Variants in SULF1 observed in about 807,000 individuals in gnomAD.
SULF1 encodes sulfatase 1.
In SULF1, 46 loss-of-function variants were observed where a neutral mutation model predicts 110.5. The ratio of observed to expected loss-of-function variants is 0.42; its 90% CI spans 0.33 to 0.53. SULF1 has a LOEUF of 0.53. Ranked by LOEUF, SULF1 falls within the 20% of genes least tolerant of loss-of-function variation. SULF1 has a pLI of 0.12. For synonymous variants in SULF1, 371 were observed against 387.1 expected, an observed-to-expected ratio of 0.96 and a Z score of 0.49; for missense variants, 941 against 1,094.2, an observed-to-expected ratio of 0.86 and a Z score of 1.98.
At chr8:69,510,370 A>G (rs1306068986) in intron 3 of SULF1, among the ~76,000 whole-genome samples, 2 of 152,328 alleles carry the variant, frequency 1.3e-5, no homozygotes, top group East Asian at 1.9e-4. Flanking sequence ...CCATTTGCTA[A>G]CTGTGACTTA....
chr8:69,498,590 T>G (rs1406915714), intron 2 of SULF1, among the ~76,000 whole-genome samples: 1 of 152,138 alleles, frequency 6.6e-6, no homozygotes, highest in Non-Finnish European at 1.5e-5. Flanking sequence ...GTAAACTAAG[T>G]ACCACACTAT....
chr8:69,620,007 G>A (rs1259777990), intron 13 of SULF1, among the ~76,000 whole-genome samples: 1 of 152,156 alleles, frequency 6.6e-6, no homozygotes, highest in Non-Finnish European at 1.5e-5. Flanking sequence ...CTAGCTCTTG[G>A]AAGAATCAGG....
At chr8:69,639,364 T>C (rs78381565) in intron 21 of SULF1, among the ~76,000 whole-genome samples, 1,615 of 152,302 alleles carry the variant, frequency 0.011, 26 homozygotes, top group African/African-American at 0.037. Context: ...ACTAGAGATA[T>C]TGGAGCAGTT....
At chr8:69,500,946 A>G (rs1386638271) in intron 2 of SULF1, among the ~76,000 whole-genome samples, 1 of 152,136 alleles carries the variant, frequency 6.6e-6, no homozygotes, top group African/African-American at 2.4e-5. Context: ...GAGCAAAGCA[A>G]AGGACCTGGG....
rs1053380075 is a variant in SULF1, at chr8:69,659,139, A to G, written c.*604A>G. 30 of 456,682 alleles carry G rather than the reference A, an allele frequency of 6.6e-5. No individual in the cohort carries two copies. The highest frequency in any genetic ancestry group is 3.4e-4 in the South Asian group (22 of 64,554). 28.3% of individuals were successfully genotyped at this position (456,682 alleles called of 1,614,324 possible). A position where few individuals can be genotyped will look rare whatever the true frequency, so the allele number is the denominator to read the frequency against. ...CTGGAAAGGACATTTTTGAAGATCA[A>G]CTATATCTTCCTGTGCATTCCGATG... is the stretch of plus-strand genomic sequence containing the variant. On this transcript the variant is annotated 3_prime_UTR_variant, in exon 23 of 23. Coordinates refer to ENST00000402687, the MANE Select transcript of SULF1 (RefSeq NM_001128205.2).
At chr8:69,585,080 T>C (rs1341618440) in intron 6 of SULF1, among the ~76,000 whole-genome samples, 1 of 152,168 alleles carries the variant, frequency 6.6e-6, no homozygotes, top group African/African-American at 2.4e-5. Flanking sequence ...ATGGAAGGCG[T>C]CTGGCAACAG....
intron 8 of SULF1, among the ~76,000 whole-genome samples, chr8:69,598,537 G>A (rs1174061110): frequency 1.3e-5 from 2 of 151,996 alleles, no homozygotes; most frequent in African/African-American, 2.4e-5. Flanking sequence ...GATTACAGGC[G>A]CCCGCCACCA....
intron 6 of SULF1, among the ~76,000 whole-genome samples, chr8:69,581,372 G>T (rs762949740): frequency 6.6e-6 from 1 of 152,176 alleles, no homozygotes; most frequent in East Asian, 1.9e-4. Flanking sequence ...GCTTCAGGTA[G>T]TTCCTGGAAA....
At chr8:69,504,689 T>A (rs1811060934) in intron 3 of SULF1, among the ~76,000 whole-genome samples, 1 of 152,344 alleles carries the variant, frequency 6.6e-6, no homozygotes, top group African/African-American at 2.4e-5. Flanking sequence ...TACTTTTTTT[T>A]AATCTTGGGG....
intron 5 of SULF1, among the ~76,000 whole-genome samples, chr8:69,568,574 G>A (rs1036829754): frequency 2.0e-5 from 3 of 152,180 alleles, no homozygotes; most frequent in Non-Finnish European, 4.4e-5. Flanking sequence ...GGGTGGGTAG[G>A]ACAAAGATCA....
At chr8:69,656,602 T>G (rs1812754666) in intron 22 of SULF1, among the ~76,000 whole-genome samples, 1 of 152,246 alleles carries the variant, frequency 6.6e-6, no homozygotes, top group African/African-American at 2.4e-5. Context: ...GTTAGTTTGC[T>G]GAAGATAATG....
In SULF1 at chr8:69,631,264, G is replaced by A. The variant is rs977022754; in HGVS notation, c.2284+1585G>A. Among the ~76,000 whole-genome samples the A allele has an allele frequency of 3.3e-5, 5 of 152,110 alleles. No individual in the cohort carries two copies. The East Asian group carries it at 7.7e-4, about 24-fold the overall frequency. On this transcript the variant is annotated intron_variant, in intron 19 of 22. Coordinates refer to ENST00000402687, the MANE Select transcript of SULF1 (RefSeq NM_001128205.2). ...TTATAGTTGCTTATGGCAGAAGGAG[G>A]CCCTTCATACCTCTATCTGCTTTTT...
chr8:69,575,899 TG>T, intron 5 of SULF1, 70 bp from the exon 6 acceptor site: 1 of 1,557,758 alleles, frequency 6.4e-7, no homozygotes, highest in East Asian at 2.3e-5. Flanking sequence ...ACAGAGGCAC[TG>T]AGGGGCACAA....
In SULF1 at chr8:69,660,006, G is replaced by C. The variant is rs775643104; in HGVS notation, c.*1471G>C. ...ACTTGCTAAAATCGATTAGCAGAAA[G>C]GCATGGCTAATAATGTTGGTGGTGA... is the stretch of plus-strand genomic sequence containing the variant. On this transcript the variant is annotated 3_prime_UTR_variant, in exon 23 of 23. Coordinates refer to ENST00000402687, the MANE Select transcript of SULF1 (RefSeq NM_001128205.2). 1.3e-5 allele frequency: 2 copies of C among 152,558 alleles called. No homozygotes were observed. The highest frequency in any genetic ancestry group is 2.9e-5 in the Non-Finnish European group (2 of 68,030). The allele number at this position is 152,558 out of a possible 1,614,324, so 9.5% of individuals were successfully genotyped here.
Position 69,581,984 on chromosome 8 carries a change from G to C in SULF1, c.413-4373G>C, listed in dbSNP as rs1806105266. On this transcript the variant is annotated intron_variant, in intron 6 of 22. Coordinates refer to ENST00000402687, the MANE Select transcript of SULF1 (RefSeq NM_001128205.2). ...AACACAGAGACACCAAAAACCTGGA[G>C]GGAGTTCTGAAGCAAATAACAAGGA... Among the ~76,000 whole-genome samples the C allele has an allele frequency of 9.2e-5, 14 of 152,130 alleles. 1 individual carries two copies. Among genetic ancestry groups the C allele is most frequent in the Admixed American group, 9.2e-4 (14 of 15,274 alleles).
chr8:69,622,328 C>T (rs1191510823), intron 14 of SULF1, among the ~76,000 whole-genome samples: 2 of 152,120 alleles, frequency 1.3e-5, no homozygotes, highest in African/African-American at 4.8e-5. Context: ...TCTGTAATCC[C>T]ATCACTTTGG....
chr8:69,563,852 A>C (rs945475723), intron 4 of SULF1, 64 bp from the exon 5 acceptor site: 26 of 949,808 alleles, frequency 2.7e-5, no homozygotes, highest in Middle Eastern at 3.4e-4. Context: ...CTTTCTCTGC[A>C]ACTGTGCTTG....
At chr8:69,579,278 G>A (rs535523511) in intron 6 of SULF1, among the ~76,000 whole-genome samples, 1 of 152,062 alleles carries the variant, frequency 6.6e-6, no homozygotes, top group Non-Finnish European at 1.5e-5. Context: ...TTGGGGCCGG[G>A]TGCAGTGGCT....
intron 13 of SULF1, among the ~76,000 whole-genome samples, chr8:69,608,681 A>T (rs1808413476): frequency 6.6e-6 from 1 of 152,078 alleles, no homozygotes; most frequent in African/African-American, 2.4e-5. Flanking sequence ...GCGAAACTCC[A>T]TCTCAAAATA....
Sources: allele counts gnomAD v4.1 joint callset (sites outside exome capture counted in the v4.1 genomes callset), GRCh38; gene constraint gnomAD v4.1.1; transcripts MANE v1.5; gene names NCBI Gene and HGNC (gene_info 2026-07-23, HGNC 2026-07-21).